Variants in KCNQ3 observed in about 807,000 individuals in gnomAD.
KCNQ3 encodes potassium voltage-gated channel subfamily KQT member 3.
A neutral mutation model predicts 92.5 loss-of-function variants in KCNQ3; 30 were observed. The observed-to-expected ratio is 0.32, with a 90% CI of 0.24 to 0.44. The LOEUF is 0.44. KCNQ3 is among the 20% of genes least tolerant of loss of function. KCNQ3 has a pLI of 1.00. For missense variants in KCNQ3, 913 were observed against 1,140.3 expected (o/e 0.80, Z 2.87); for synonymous variants, 450 against 468.8 (o/e 0.96, Z 0.52).
At chr8:132,258,921 C>G (rs1815684852) in intron 1 of KCNQ3, among the ~76,000 whole-genome samples, 1 of 151,948 alleles carries the variant, frequency 6.6e-6, no homozygotes, top group South Asian at 2.1e-4. Flanking sequence ...GGACAAGTTT[C>G]TAGGAAGACA....
At chr8:132,144,688 G>A (rs1394609210) in intron 9 of KCNQ3, among the ~76,000 whole-genome samples, 1 of 152,182 alleles carries the variant, frequency 6.6e-6, no homozygotes, top group Admixed American at 6.5e-5. Context: ...GGGAACTTCA[G>A]CCATGTTCAA....
intron 1 of KCNQ3, among the ~76,000 whole-genome samples, chr8:132,261,478 A>T (rs544808077): frequency 3.1e-4 from 47 of 152,238 alleles, no homozygotes; most frequent in African/African-American, 1.0e-3. Flanking sequence ...CCTCATCCTC[A>T]GCTCTGGGGA....
At chr8:132,337,647 G>A (rs1351474691) in intron 1 of KCNQ3, among the ~76,000 whole-genome samples, 6 of 152,054 alleles carry the variant, frequency 3.9e-5, no homozygotes, top group Admixed American at 3.9e-4. Context: ...GCATTCACAG[G>A]TATAAAAGAC....
chr8:132,468,287 G>A (rs1480602183), intron 1 of KCNQ3, among the ~76,000 whole-genome samples: 1 of 152,156 alleles, frequency 6.6e-6, no homozygotes, highest in Admixed American at 6.5e-5. Flanking sequence ...GTCCAATTGG[G>A]CTAAGCGATT....
intron 1 of KCNQ3, among the ~76,000 whole-genome samples, chr8:132,424,204 C>T (rs115559824): frequency 8.6e-4 from 130 of 151,450 alleles, no homozygotes; most frequent in African/African-American, 3.0e-3. Context: ...CTCTGAGGGG[C>T]GCAGACACAC....
intron 1 of KCNQ3, among the ~76,000 whole-genome samples, chr8:132,212,269 G>T (rs1813886147): frequency 6.6e-6 from 1 of 151,992 alleles, no homozygotes; most frequent in Non-Finnish European, 1.5e-5. Context: ...TCAGACAAAA[G>T]GCCTTCACCA....
chr8:132,166,218 A>G (rs1354984091), intron 8 of KCNQ3, among the ~76,000 whole-genome samples: 1 of 152,208 alleles, frequency 6.6e-6, no homozygotes, highest in African/African-American at 2.4e-5. Flanking sequence ...TGCACTGCTA[A>G]CAGTCAAATT....
chr8:132,136,968 G>A (rs564373281), intron 12 of KCNQ3, among the ~76,000 whole-genome samples: 77 of 147,744 alleles, frequency 5.2e-4, no homozygotes, highest in African/African-American at 1.8e-3. Context: ...AGGTTCAAGC[G>A]ATTCTTCCGT....
chr8:132,395,372 C>G (rs1384880845), intron 1 of KCNQ3, among the ~76,000 whole-genome samples: 1 of 152,136 alleles, frequency 6.6e-6, no homozygotes, highest in East Asian at 1.9e-4. Context: ...TCCTGTTTTT[C>G]CCAGAAATCT....
chr8:132,133,430 A>G (rs1197978684), intron 13 of KCNQ3, among the ~76,000 whole-genome samples: 3 of 133,708 alleles, frequency 2.2e-5, no homozygotes, highest in Non-Finnish European at 4.6e-5. Context: ...ATCTCGGCTC[A>G]CTGCAACCTC....
chr8:132,220,684 G>A (rs765229769), intron 1 of KCNQ3, among the ~76,000 whole-genome samples: 1 of 152,144 alleles, frequency 6.6e-6, no homozygotes, highest in African/African-American at 2.4e-5. Flanking sequence ...GGGAGGCAGA[G>A]GTTGCAGTGA....
chr8:132,347,570 A>T (rs1451325815), intron 1 of KCNQ3, among the ~76,000 whole-genome samples: 3 of 152,232 alleles, frequency 2.0e-5, no homozygotes, highest in African/African-American at 7.2e-5. Context: ...CAGGCCCCTC[A>T]GAGCAAAGGG....
At chr8:132,451,081 A>G (rs1355793176) in intron 1 of KCNQ3, among the ~76,000 whole-genome samples, 1 of 152,168 alleles carries the variant, frequency 6.6e-6, no homozygotes, top group Non-Finnish European at 1.5e-5. Context: ...CCCATGTTCC[A>G]TGGGAGGGAC....
At chr8:132,293,678 G>A (rs576175173) in intron 1 of KCNQ3, among the ~76,000 whole-genome samples, 43 of 152,310 alleles carry the variant, frequency 2.8e-4, no homozygotes, top group African/African-American at 1.0e-3. Context: ...TCTTCAGACT[G>A]AGATGCAGGG....
At chr8:132,369,070 T>C (rs187904241) in intron 1 of KCNQ3, among the ~76,000 whole-genome samples, 18 of 152,298 alleles carry the variant, frequency 1.2e-4, no homozygotes, top group Middle Eastern at 3.4e-3. Context: ...GTAGAATGTC[T>C]CTCAATTTGG....
rs543599794 is a variant in KCNQ3, at chr8:132,282,937, G to C, written c.387-96756C>G. On this transcript the variant is annotated intron_variant, in intron 1 of 14. Coordinates refer to ENST00000388996, the MANE Select transcript of KCNQ3 (RefSeq NM_004519.4). The stretch of plus-strand genomic sequence containing the variant: ...AGCCGGCAGGAGAGAGCCAGGATAC[G>C]AGAGAGTGAAGGAAGGAGCTCAGTG... 9.2e-5 allele frequency among the ~76,000 whole-genome samples: 14 copies of C among 152,260 alleles called. No homozygotes were observed. In the East Asian group the frequency reaches 2.5e-3, roughly 27 times the overall value.
chr8:132,347,845 T>C (rs1202769378), intron 1 of KCNQ3, among the ~76,000 whole-genome samples: 3 of 151,626 alleles, frequency 2.0e-5, no homozygotes, highest in African/African-American at 7.3e-5. Context: ...GGCCTGGTGG[T>C]GGGCGCCTGT....
intron 1 of KCNQ3, among the ~76,000 whole-genome samples, chr8:132,450,334 T>C (rs1466471772): frequency 6.6e-6 from 1 of 152,172 alleles, no homozygotes; most frequent in African/African-American, 2.4e-5. Context: ...TCCAGGGCAC[T>C]GATTGGCACA....
intron 1 of KCNQ3, among the ~76,000 whole-genome samples, chr8:132,329,133 T>A (rs1818154236): frequency 6.6e-6 from 1 of 152,144 alleles, no homozygotes; most frequent in South Asian, 2.1e-4. Flanking sequence ...AATACACAAA[T>A]AAGCAAGAAA....
Sources: gnomAD v4.1 joint callset for allele counts (sites outside exome capture counted in the v4.1 genomes callset) on GRCh38, gnomAD v4.1.1 for gene constraint, MANE v1.5 for transcripts, NCBI Gene and HGNC (gene_info 2026-07-23, HGNC 2026-07-21) for gene names.